Variants in CDH13 observed in about 807,000 individuals in gnomAD.
CDH13 encodes cadherin 13.
In CDH13, 24 loss-of-function variants were observed where a neutral mutation model predicts 63.8. The observed-to-expected ratio is 0.38, with a 90% CI of 0.27 to 0.53. The LOEUF (loss-of-function observed/expected upper bound fraction) is 0.53, where lower values mean the gene tolerates loss of function less well. Ranked by LOEUF, CDH13 falls within the 20% of genes least tolerant of loss-of-function variation. The probability of loss-of-function intolerance (pLI) is 0.85; values close to 1 mark genes in which losing one functional copy is unlikely to be tolerated. For synonymous variants in CDH13, 503 were observed against 355.3 expected, an observed-to-expected ratio of 1.42 and a Z score of -4.67; for missense variants, 1,049 against 903.1, an observed-to-expected ratio of 1.16 and a Z score of -2.07.
intron 5 of CDH13, among the ~76,000 whole-genome samples, chr16:83,297,702 T>A (rs1017358263): frequency 6.6e-6 from 1 of 152,190 alleles, no homozygotes; most frequent in Non-Finnish European, 1.5e-5. Context: ...CAGTGTCAGA[T>A]AAGGCTTTGA....
intron 5 of CDH13, among the ~76,000 whole-genome samples, chr16:83,260,835 A>C (rs932246284): frequency 6.6e-6 from 1 of 152,140 alleles, no homozygotes; most frequent in African/African-American, 2.4e-5. Flanking sequence ...ACTTGGATGA[A>C]GTTAAAAGTC....
intron 2 of CDH13, among the ~76,000 whole-genome samples, chr16:83,011,577 G>A (rs571081996): frequency 3.3e-5 from 5 of 152,120 alleles, no homozygotes; most frequent in Non-Finnish European, 7.4e-5. Flanking sequence ...GCGGTAAAAC[G>A]TGGCTCCTGT....
intron 2 of CDH13, among the ~76,000 whole-genome samples, chr16:82,899,782 C>A (rs1243148318): frequency 6.6e-6 from 1 of 152,188 alleles, no homozygotes; most frequent in Admixed American, 6.5e-5. Context: ...TCTCCTCCTC[C>A]AAACAAAACA....
chr16:83,749,205 T>A (rs1912867908), intron 11 of CDH13, among the ~76,000 whole-genome samples: 1 of 152,212 alleles, frequency 6.6e-6, no homozygotes, highest in Non-Finnish European at 1.5e-5. Flanking sequence ...AGATGAATAT[T>A]TATAGGTGCC....
chr16:83,335,620 C>G (rs914281140), intron 5 of CDH13, among the ~76,000 whole-genome samples: 2 of 152,142 alleles, frequency 1.3e-5, no homozygotes, highest in Non-Finnish European at 2.9e-5. Flanking sequence ...AATCCGCAAG[C>G]AGACGGCCCA....
intron 5 of CDH13, among the ~76,000 whole-genome samples, chr16:83,307,686 T>C (rs565976922): frequency 5.3e-5 from 8 of 152,272 alleles, no homozygotes; most frequent in African/African-American, 1.7e-4. Flanking sequence ...ATAATAGAAA[T>C]TGAAAAGTAT....
intron 1 of CDH13, among the ~76,000 whole-genome samples, chr16:82,829,037 C>T (rs1026579935): frequency 1.1e-4 from 16 of 152,164 alleles, no homozygotes; most frequent in East Asian, 9.7e-4. Flanking sequence ...AAGGTGGACA[C>T]ATGGAATTCA....
At chr16:82,935,540 G>A (rs751721492) in intron 2 of CDH13, among the ~76,000 whole-genome samples, 1 of 152,036 alleles carries the variant, frequency 6.6e-6, no homozygotes, top group African/African-American at 2.4e-5. Context: ...GGGGTTTAAA[G>A]AAAAAAGTAA....
intron 5 of CDH13, among the ~76,000 whole-genome samples, chr16:83,219,849 A>G (rs765994103): frequency 3.9e-5 from 6 of 152,206 alleles, no homozygotes; most frequent in Non-Finnish European, 5.9e-5. Flanking sequence ...CCTTGCTTTC[A>G]TGTATCTTTT....
intron 6 of CDH13, among the ~76,000 whole-genome samples, chr16:83,457,095 A>G (rs1303380626): frequency 6.6e-6 from 1 of 152,138 alleles, no homozygotes; most frequent in African/African-American, 2.4e-5. Context: ...GCGATGGAGG[A>G]TGGAGTCCAA....
intron 4 of CDH13, among the ~76,000 whole-genome samples, chr16:83,136,508 G>C (rs199973260): frequency 3.6e-5 from 5 of 139,396 alleles, no homozygotes; most frequent in African/African-American, 1.4e-4. Context: ...AAAAAAAAAA[G>C]AAATAGACTT....
At chr16:82,943,495 C>T (rs906723555) in intron 2 of CDH13, among the ~76,000 whole-genome samples, 20 of 152,210 alleles carry the variant, frequency 1.3e-4, no homozygotes, top group Non-Finnish European at 2.1e-4. Flanking sequence ...TGTGATTATT[C>T]GCATAAGACC....
intron 1 of CDH13, among the ~76,000 whole-genome samples, chr16:82,680,359 C>A (rs1314582940): frequency 1.3e-5 from 2 of 152,180 alleles, no homozygotes; most frequent in Non-Finnish European, 2.9e-5. Flanking sequence ...CATCATGAAA[C>A]TGAGACTTGT....
intron 1 of CDH13, among the ~76,000 whole-genome samples, chr16:82,667,386 G>C (rs1458778160): frequency 6.6e-6 from 1 of 152,202 alleles, no homozygotes; most frequent in East Asian, 1.9e-4. Context: ...GAGGTTTGTA[G>C]AGCTTTGTCC....
At position 83,078,905 on chromosome 16, in the gene CDH13, C is replaced by T. The variant is rs28634820; in HGVS notation, c.367-46480C>T. 9.3e-4 allele frequency among the ~76,000 whole-genome samples: 142 copies of T among 152,276 alleles called. 2 individuals are homozygous for T. The highest frequency in any genetic ancestry group is 3.2e-3 in the African/African-American group (132 of 41,576). ...CGCCTCCCAGGTTCCAGCAATTCTC[C>T]TGCCTCAGCCTCCCAAGTAGCTGGG... On this transcript the variant is annotated intron_variant, in intron 3 of 13. Transcript: ENST00000567109.
chr16:83,262,598 C>G (rs1457381765), intron 5 of CDH13, among the ~76,000 whole-genome samples: 4 of 152,256 alleles, frequency 2.6e-5, no homozygotes, highest in African/African-American at 7.2e-5. Flanking sequence ...TGGAGTCCCC[C>G]TCATTTACCT....
intron 7 of CDH13, among the ~76,000 whole-genome samples, chr16:83,495,695 A>G (rs1298000127): frequency 6.6e-6 from 1 of 152,222 alleles, no homozygotes; most frequent in Non-Finnish European, 1.5e-5. Flanking sequence ...TTATTGCCAG[A>G]GTCAGGCTGG....
intron 3 of CDH13, among the ~76,000 whole-genome samples, chr16:83,051,090 G>C (rs550230681): frequency 2.6e-5 from 4 of 152,064 alleles, no homozygotes; most frequent in Non-Finnish European, 4.4e-5. Context: ...TCCAATCTGC[G>C]TGCCTGTTAC....
intron 1 of CDH13, among the ~76,000 whole-genome samples, chr16:82,751,386 A>G (rs1469029325): frequency 2.0e-5 from 3 of 152,140 alleles, no homozygotes; most frequent in Non-Finnish European, 4.4e-5. Flanking sequence ...CTCACTTCAC[A>G]GACAGCCCCA....
Sources: gnomAD v4.1 joint callset for allele counts (sites outside exome capture counted in the v4.1 genomes callset) on GRCh38, gnomAD v4.1.1 for gene constraint, MANE v1.5 for transcripts, NCBI Gene and HGNC (gene_info 2026-07-23, HGNC 2026-07-21) for gene names.